The following GPBP1L1 variants were observed in gnomAD, a reference collection of about 807,000 sequenced individuals.
GPBP1L1 encodes the protein GC-rich promoter binding protein 1 like 1.
GPBP1L1 carries 23 observed loss-of-function variants against 52.5 expected under a neutral mutation model. The ratio of observed to expected loss-of-function variants is 0.44; its 90% CI spans 0.32 to 0.62. The LOEUF is 0.62. Among genes scored for constraint, GPBP1L1 ranks in the 20% least tolerant of loss-of-function variants. GPBP1L1 has a pLI of 0.06. For synonymous variants in GPBP1L1, 243 were observed against 203.1 expected (o/e 1.20, Z -1.67); for missense variants, 596 against 579.3 (o/e 1.03, Z -0.30).
At chr1:45,629,044 T>C (rs1456264888) in intron 12 of GPBP1L1, among the ~76,000 whole-genome samples, 1 of 152,218 alleles carries the variant, frequency 6.6e-6, no homozygotes, top group African/African-American at 2.4e-5. Context: ...ACTTGGCCAA[T>C]TGTGCTGTAA....
chr1:45,672,049 T>A (rs56064625), intron 2 of GPBP1L1, among the ~76,000 whole-genome samples: 59 of 152,236 alleles, frequency 3.9e-4, no homozygotes, highest in African/African-American at 1.4e-3. Context: ...TCCATAAAGA[T>A]GCAATAATAC....
chr1:45,684,575 G>A (rs1645256094), intron 2 of GPBP1L1, among the ~76,000 whole-genome samples: 2 of 151,828 alleles, frequency 1.3e-5, no homozygotes, highest in South Asian at 4.1e-4. Flanking sequence ...CAAAATAAAG[G>A]TTTCCCCAAG....
intron 4 of GPBP1L1, 62 bp from the exon 5 acceptor site, chr1:45,655,381 T>C: frequency 6.4e-7 from 1 of 1,554,736 alleles, no homozygotes; most frequent in South Asian, 1.1e-5. Flanking sequence ...TTCAATATCT[T>C]AATAGGCTTT....
chr1:45,633,441 T>G (rs779256303), intron 10 of GPBP1L1, 48 bp downstream of exon 10: 3 of 1,595,032 alleles, frequency 1.9e-6, no homozygotes, highest in Non-Finnish European at 8.6e-7. Context: ...CACGTATGTA[T>G]CAAAGGAAAA....
intron 7 of GPBP1L1, 136 bp downstream of exon 7, chr1:45,642,291 C>G: frequency 1.5e-6 from 1 of 660,426 alleles, no homozygotes; most frequent in South Asian, 1.8e-5. Context: ...TAACCCGCTA[C>G]AGTCAGATGT....
At chr1:45,639,309 G>A (rs1644637735) in intron 8 of GPBP1L1, among the ~76,000 whole-genome samples, 2 of 152,146 alleles carry the variant, frequency 1.3e-5, no homozygotes, top group South Asian at 4.1e-4. Context: ...TCCTGAACAA[G>A]GACAGCATAG....
At chr1:45,676,140 C>T (rs1645136286) in intron 2 of GPBP1L1, among the ~76,000 whole-genome samples, 1 of 152,012 alleles carries the variant, frequency 6.6e-6, no homozygotes, top group Non-Finnish European at 1.5e-5. Flanking sequence ...GAAAAGAGCC[C>T]AAAGCCATTT....
intron 11 of GPBP1L1, among the ~76,000 whole-genome samples, chr1:45,630,273 T>C (rs1055199753): frequency 3.9e-5 from 6 of 152,120 alleles, no homozygotes; most frequent in Non-Finnish European, 5.9e-5. Context: ...TATTAAAGTA[T>C]TGGAGAGTAG....
intron 5 of GPBP1L1, 131 bp downstream of exon 5, chr1:45,655,056 TGAC>T (rs1398960706): frequency 8.6e-7 from 1 of 1,157,818 alleles, no homozygotes; most frequent in Non-Finnish European, 1.2e-6. Context: ...AGTTGCGTAA[TGAC>T]TACTAGAGAA....
At chr1:45,674,199 G>C (rs1645110421) in intron 2 of GPBP1L1, among the ~76,000 whole-genome samples, 1 of 152,128 alleles carries the variant, frequency 6.6e-6, no homozygotes, top group Non-Finnish European at 1.5e-5. Context: ...TAGACCAGCA[G>C]TTCTCAAACC....
At chr1:45,633,734 T>G in intron 9 of GPBP1L1, 87 bp from the exon 10 acceptor site, 2 of 1,332,186 alleles carry the variant, frequency 1.5e-6, no homozygotes, top group East Asian at 4.9e-5. Flanking sequence ...TTCAAGAATC[T>G]GGTAGCCTAT....
At chr1:45,644,582 T>TATA (rs1354849853) in intron 6 of GPBP1L1, among the ~76,000 whole-genome samples, 2 of 152,172 alleles carry the variant, frequency 1.3e-5, no homozygotes, top group Non-Finnish European at 2.9e-5. Flanking sequence ...TAACCCATTG[T>TATA]GTCTCCCTTG....
intron 12 of GPBP1L1, 122 bp downstream of exon 12, chr1:45,629,454 T>TTTCCCCC (rs758811981): frequency 3.1e-4 from 36 of 117,618 alleles, no homozygotes; most frequent in East Asian, 4.4e-4. Context: ...ACTAAGGTAA[T>TTTCCCCC]CCCCCCCCCC....
At chr1:45,664,687 T>C (rs1644989224) in intron 2 of GPBP1L1, among the ~76,000 whole-genome samples, 1 of 152,126 alleles carries the variant, frequency 6.6e-6, no homozygotes, top group Admixed American at 6.5e-5. Flanking sequence ...TGTTTTGTTT[T>C]GTTTTTGAGA....
chr1:45,652,339 A>T (rs1198444148), intron 6 of GPBP1L1, among the ~76,000 whole-genome samples: 1 of 152,232 alleles, frequency 6.6e-6, no homozygotes, highest in African/African-American at 2.4e-5. Flanking sequence ...AAAATGCACA[A>T]ATTGATAAAA....
At chr1:45,639,688 A>G (rs1644644698) in intron 8 of GPBP1L1, among the ~76,000 whole-genome samples, 2 of 151,936 alleles carry the variant, frequency 1.3e-5, no homozygotes, top group South Asian at 4.2e-4. Context: ...CATCCTGGCT[A>G]ACAACGGTGA....
chr1:45,659,161 A>G lies in GPBP1L1; in HGVS notation c.-55-19T>C, dbSNP rs897755521. 5.8e-6 allele frequency: 8 copies of G among 1,388,256 alleles called. No homozygotes were observed. The highest frequency in any genetic ancestry group is 1.8e-4 in the Middle Eastern group (1 of 5,608). The allele number at this position is 1,388,256 out of a possible 1,614,324, so 86.0% of individuals were successfully genotyped here. ...CCAGGATCTGAAAACAAAACAATTC[A>G]AATCACTTATGTTTACAAGAATCTG... On this transcript the variant is annotated intron_variant, in intron 3 of 12. Transcript: ENST00000355105.
chr1:45,677,547 A>G (rs1053744140), intron 2 of GPBP1L1, among the ~76,000 whole-genome samples: 5 of 152,092 alleles, frequency 3.3e-5, no homozygotes, highest in African/African-American at 1.2e-4. Context: ...ATGGTGATTA[A>G]CATGGATATG....
In GPBP1L1 at chr1:45,660,262, A is replaced by T; in HGVS notation, c.-134T>A. On this transcript the variant is annotated 5_prime_UTR_variant, in exon 3 of 13. Coordinates refer to ENST00000355105, the MANE Select transcript of GPBP1L1 (RefSeq NM_021639.5). ...TCTCCCACAAGGTTTCCTTGTTAAA[A>T]GGGTGCTTAAGTAACCTGGCCGGCA... 1 of 985,348 alleles carries T rather than the reference A, an allele frequency of 1.0e-6. No individual in the cohort carries two copies. The highest frequency in any genetic ancestry group is 1.2e-6 in the Non-Finnish European group (1 of 829,914). 61.0% of individuals were successfully genotyped at this position (985,348 alleles called of 1,614,324 possible).
Sources: gnomAD v4.1 joint callset for allele counts (sites outside exome capture counted in the v4.1 genomes callset) on GRCh38, gnomAD v4.1.1 for gene constraint, MANE v1.5 for transcripts, NCBI Gene and HGNC (gene_info 2026-07-23, HGNC 2026-07-21) for gene names.